SYBU: variants seen among roughly 807,000 people sequenced by gnomAD.
SYBU encodes syntabulin.
Under a neutral mutation model 35.9 loss-of-function variants are expected in SYBU, and 21 were observed. That is an observed-to-expected ratio of 0.58 (90% CI 0.41 to 0.84). The LOEUF (loss-of-function observed/expected upper bound fraction) is 0.84, where lower values mean the gene tolerates loss of function less well. SYBU is among the 40% of genes least tolerant of loss of function. The pLI, the probability that SYBU is intolerant of heterozygous loss-of-function variation, is 0.00. For missense variants in SYBU, 768 were observed against 848.2 expected (o/e 0.91, Z 1.17); for synonymous variants, 319 against 324.3 (o/e 0.98, Z 0.18).
intron 3 of SYBU, among the ~76,000 whole-genome samples, chr8:109,617,814 G>A (rs146526492): frequency 8.5e-5 from 13 of 152,166 alleles, no homozygotes; most frequent in African/African-American, 2.7e-4. Flanking sequence ...GTTTTCCTTG[G>A]TGACAAAATG....
At chr8:109,642,460 A>C (rs1815012158) in intron 2 of SYBU, among the ~76,000 whole-genome samples, 1 of 152,212 alleles carries the variant, frequency 6.6e-6, no homozygotes, top group South Asian at 2.1e-4. Flanking sequence ...AAAGGAAAAA[A>C]GTCATAGAAA....
Position 109,627,478 on chromosome 8 carries a change from T to C in SYBU, c.230-8439A>G, listed in dbSNP as rs1191609716. Among the ~76,000 whole-genome samples, 3 of 152,186 alleles carry C rather than the reference T, an allele frequency of 2.0e-5. No homozygotes were observed. The East Asian group carries it at 5.8e-4, about 29-fold the overall frequency. On this transcript the variant is annotated intron_variant, in intron 2 of 6. Coordinates refer to ENST00000276646, the MANE Select transcript of SYBU (RefSeq NM_001099754.2). ...AAAACTAACATTTATTAAGTACTTA[T>C]CATGTGGCAAACACATTAATTATTA...
At chr8:109,655,265 C>T (rs1390548954) in intron 1 of SYBU, among the ~76,000 whole-genome samples, 5 of 152,168 alleles carry the variant, frequency 3.3e-5, no homozygotes, top group African/African-American at 7.2e-5. Context: ...TTTGATTTGC[C>T]AGAGTCATGG....
chr8:109,644,654 C>A lies in SYBU; in HGVS notation c.6G>T (p.Gly2=), dbSNP rs756256634. The change falls in exon 1 of 7, where the codon GGG becomes GGT. Residue 2 remains glycine (G), a synonymous_variant. Coordinates refer to ENST00000276646, the MANE Select transcript of SYBU (RefSeq NM_001099754.2). M[G]PLRESKKEHR... ...TCCTTACCTTGCTCTCGCGGAGGGG[C>A]CCCATCGCGCCGCTGCCCGCCGGCT... is the stretch of plus-strand genomic sequence containing the variant. 1.3e-6 allele frequency: 2 copies of A among 1,525,844 alleles called. No individual in the cohort carries two copies. The highest frequency in any genetic ancestry group is 2.0e-5 in the Admixed American group (1 of 50,302). 94.5% of individuals were successfully genotyped at this position (1,525,844 alleles called of 1,614,324 possible).
chr8:109,627,279 T>C (rs1586875119), intron 2 of SYBU, among the ~76,000 whole-genome samples: 2 of 152,322 alleles, frequency 1.3e-5, no homozygotes, highest in South Asian at 4.1e-4. Flanking sequence ...ATTTATTGAA[T>C]ATCTACTATG....
At chr8:109,688,391 T>C (rs1486049808) in intron 1 of SYBU, among the ~76,000 whole-genome samples, 1 of 152,194 alleles carries the variant, frequency 6.6e-6, no homozygotes, top group African/African-American at 2.4e-5. Context: ...CACAGGAACC[T>C]TTCTTTCCTT....
At chr8:109,576,702 G>A (rs1822360962) in intron 6 of SYBU, among the ~76,000 whole-genome samples, 1 of 152,144 alleles carries the variant, frequency 6.6e-6, no homozygotes, top group South Asian at 2.1e-4. Flanking sequence ...ACACTAAGGA[G>A]AATCTATCCT....
Position 109,656,908 on chromosome 8 carries a change from G to A in SYBU, c.-129+23803C>T, listed in dbSNP as rs941494867. On this transcript the variant is annotated intron_variant, in intron 1 of 5. Coordinates refer to the SYBU transcript ENST00000408889. Reference sequence around the variant, plus strand: ...ATCAAATATTATTTTGACACTTAAGGTAAACCCATGACTCATTTAATATTA... The same window carrying A: ...ATCAAATATTATTTTGACACTTAAGATAAACCCATGACTCATTTAATATTA... 2.0e-5 allele frequency among the ~76,000 whole-genome samples: 3 copies of A among 151,854 alleles called. No individual in the cohort carries two copies. In the East Asian group the frequency reaches 5.8e-4, roughly 29 times the overall value.
chr8:109,636,927 C>T (rs1814293501), intron 2 of SYBU, among the ~76,000 whole-genome samples: 2 of 152,166 alleles, frequency 1.3e-5, no homozygotes, highest in South Asian at 4.1e-4. Context: ...ACTGTGGAGG[C>T]ATCATTCCAC....
At chr8:109,643,284 CTCTT>C in intron 1 of SYBU, 7 of 656,048 alleles carry the variant, frequency 1.1e-5, no homozygotes, top group Non-Finnish European at 1.3e-5. Flanking sequence ...CTCCCAAAGG[CTCTT>C]TATTAACACC....
At chr8:109,602,241 C>T (rs971980703) in intron 3 of SYBU, among the ~76,000 whole-genome samples, 14 of 151,912 alleles carry the variant, frequency 9.2e-5, no homozygotes, top group Non-Finnish European at 1.6e-4. Context: ...TGCAGTGCTA[C>T]CCACATAAAA....
intron 1 of SYBU, among the ~76,000 whole-genome samples, chr8:109,668,244 TA>T (rs1322133957): frequency 6.8e-6 from 1 of 147,526 alleles, no homozygotes; most frequent in Non-Finnish European, 1.5e-5. Flanking sequence ...GCCTGAGATT[TA>T]AAGTGAAATG....
At chr8:109,639,069 GA>G (rs1340402023) in intron 2 of SYBU, among the ~76,000 whole-genome samples, 1 of 152,186 alleles carries the variant, frequency 6.6e-6, no homozygotes, top group Non-Finnish European at 1.5e-5. Flanking sequence ...AGGGAAAACA[GA>G]AAGTGGGTAA....
chr8:109,592,592 G>C (rs1824412122), intron 3 of SYBU, among the ~76,000 whole-genome samples: 1 of 152,318 alleles, frequency 6.6e-6, no homozygotes, highest in African/African-American at 2.4e-5. Flanking sequence ...CCTTGGGCTG[G>C]CTCAGCTACC....
intron 2 of SYBU, among the ~76,000 whole-genome samples, chr8:109,642,077 G>A (rs1223059717): frequency 7.2e-5 from 11 of 152,166 alleles, no homozygotes; most frequent in Non-Finnish European, 1.6e-4. Flanking sequence ...ATGATAGACT[G>A]GATAAAGAAA....
intron 1 of SYBU, among the ~76,000 whole-genome samples, chr8:109,670,385 AT>A (rs1213938156): frequency 4.0e-5 from 6 of 151,732 alleles, no homozygotes; most frequent in South Asian, 2.1e-4. Context: ...CTAAAAAAAA[AT>A]AAAAAAATAA....
intron 1 of SYBU, among the ~76,000 whole-genome samples, chr8:109,690,327 C>A (rs1018612692): frequency 6.6e-6 from 1 of 152,186 alleles, no homozygotes; most frequent in African/African-American, 2.4e-5. Context: ...CCTTTTGCCC[C>A]AAGGGCGCCC....
chr8:109,673,137 C>T (rs1177985502), intron 1 of SYBU, among the ~76,000 whole-genome samples: 2 of 152,214 alleles, frequency 1.3e-5, no homozygotes, highest in Non-Finnish European at 2.9e-5. Flanking sequence ...TGCCTGCTGG[C>T]TCTGAAGAGA....
At position 109,574,678 on chromosome 8, in the gene SYBU, A is replaced by G. The variant is rs760073025; in HGVS notation, c.*228T>C. On this transcript the variant is annotated 3_prime_UTR_variant, in exon 7 of 7. Transcript: ENST00000276646. ...CAGACGACACGGCAGGGTCATGAGC[A>G]TGCTTTCTATACCCCACTGGTGGGA... is the stretch of plus-strand genomic sequence containing the variant. 54 of 420,594 alleles carry G rather than the reference A, an allele frequency of 1.3e-4. No individual in the cohort carries two copies. Among genetic ancestry groups the G allele is most frequent in the Non-Finnish European group, 2.2e-4 (53 of 240,648 alleles). 26.1% of individuals were successfully genotyped at this position (420,594 alleles called of 1,614,324 possible).
Sources: gnomAD v4.1 joint callset for allele counts (sites outside exome capture counted in the v4.1 genomes callset) on GRCh38, gnomAD v4.1.1 for gene constraint, MANE v1.5 for transcripts, NCBI Gene and HGNC (gene_info 2026-07-23, HGNC 2026-07-21) for gene names.